Variants in RAPGEF4 observed in about 807,000 individuals in gnomAD.
RAPGEF4 encodes the protein RAP guanine-nucleotide-exchange factor (GEF) 4.
RAPGEF4 carries 66 observed loss-of-function variants against 147.9 expected under a neutral mutation model. That is an observed-to-expected ratio of 0.45 (90% CI 0.37 to 0.55). The LOEUF is 0.55. Among genes scored for constraint, RAPGEF4 ranks in the 20% least tolerant of loss-of-function variants. RAPGEF4 has a pLI of 0.00. For synonymous variants in RAPGEF4, 419 were observed against 442.7 expected, an observed-to-expected ratio of 0.95 and a Z score of 0.67; for missense variants, 1,071 against 1,257.3, an observed-to-expected ratio of 0.85 and a Z score of 2.24.
At chr2:172,791,958 ATC>A (rs1685872430) in intron 1 of RAPGEF4, among the ~76,000 whole-genome samples, 1 of 152,186 alleles carries the variant, frequency 6.6e-6, no homozygotes, top group African/African-American at 2.4e-5. Context: ...ATGGATTCTA[ATC>A]TCTGTTTGTC....
chr2:172,966,170 T>C (rs1038607809), intron 9 of RAPGEF4, among the ~76,000 whole-genome samples: 2 of 152,230 alleles, frequency 1.3e-5, no homozygotes, highest in Non-Finnish European at 2.9e-5. Context: ...GAATGTGCTC[T>C]GCAATTGTGG....
intron 20 of RAPGEF4, 103 bp from the exon 21 acceptor site, chr2:173,017,323 C>G: frequency 6.8e-7 from 1 of 1,478,828 alleles, no homozygotes. Context: ...AATATATTGT[C>G]TTCATTTCTT....
intron 4 of RAPGEF4, among the ~76,000 whole-genome samples, chr2:172,862,134 G>A (rs913369976): frequency 2.0e-5 from 3 of 152,168 alleles, no homozygotes; most frequent in Non-Finnish European, 2.9e-5. Flanking sequence ...ACATTAAAAG[G>A]CAGCATTCGG....
Position 173,042,614 on chromosome 2 carries a change from C to A in RAPGEF4, c.2853+5922C>A, listed in dbSNP as rs543407995. On this transcript the variant is annotated intron_variant, in intron 29 of 30. Transcript: ENST00000397081. This position sits in a 1 kb window ranked among gnomAD's most constrained non-coding sequence, Gnocchi z 4.2. Reference sequence around the variant, plus strand: ...CTCCAACCTGGGCAATAGAGTAAGACTCCAAATCAAAAAAAAAAAGGGAAA... The same window carrying A: ...CTCCAACCTGGGCAATAGAGTAAGAATCCAAATCAAAAAAAAAAAGGGAAA... Among the ~76,000 whole-genome samples the A allele has an allele frequency of 2.4e-4, 36 of 150,680 alleles. No homozygotes were observed. The highest frequency in any genetic ancestry group is 4.9e-4 in the Non-Finnish European group (33 of 67,838).
intron 22 of RAPGEF4, among the ~76,000 whole-genome samples, chr2:173,019,038 G>A (rs1487137399): frequency 2.6e-5 from 4 of 152,180 alleles, no homozygotes; most frequent in Non-Finnish European, 5.9e-5. Flanking sequence ...GAGGACTGTC[G>A]TGTAGATGTT....
intron 1 of RAPGEF4, among the ~76,000 whole-genome samples, chr2:172,742,880 GA>G (rs2086342262): frequency 6.6e-6 from 1 of 152,130 alleles, no homozygotes; most frequent in Non-Finnish European, 1.5e-5. Flanking sequence ...CTGGGAGCTG[GA>G]AAGAGTCTTC....
chr2:173,024,035 C>G (rs1696387037), intron 23 of RAPGEF4, among the ~76,000 whole-genome samples: 1 of 152,194 alleles, frequency 6.6e-6, no homozygotes, highest in African/African-American at 2.4e-5. Flanking sequence ...CCATATGCTA[C>G]TTGCCCATCA....
chr2:172,918,299 G>A (rs979316178), intron 5 of RAPGEF4, among the ~76,000 whole-genome samples: 2 of 137,736 alleles, frequency 1.5e-5, no homozygotes, highest in East Asian at 4.4e-4. Flanking sequence ...GAAGTGGGGT[G>A]AGTCATTTAT....
intron 1 of RAPGEF4, among the ~76,000 whole-genome samples, chr2:172,768,391 G>A (rs921683347): frequency 6.6e-6 from 1 of 151,788 alleles, no homozygotes; most frequent in Non-Finnish European, 1.5e-5. Flanking sequence ...AGAAAATGAA[G>A]CTATTTATAG....
intron 4 of RAPGEF4, among the ~76,000 whole-genome samples, chr2:172,888,050 A>C (rs556795909): frequency 2.4e-4 from 36 of 152,246 alleles, no homozygotes; most frequent in Non-Finnish European, 4.0e-4. Context: ...TCTTTATTTA[A>C]TTCTGCATCT....
intron 3 of RAPGEF4, among the ~76,000 whole-genome samples, chr2:172,807,864 C>A (rs1392819263): frequency 6.6e-6 from 1 of 152,124 alleles, no homozygotes; most frequent in African/African-American, 2.4e-5. Flanking sequence ...AATAAATTTG[C>A]CATGAGACAA....
At chr2:172,901,527 A>G (rs943638521) in intron 4 of RAPGEF4, among the ~76,000 whole-genome samples, 1 of 152,252 alleles carries the variant, frequency 6.6e-6, no homozygotes, top group Non-Finnish European at 1.5e-5. Context: ...TCTTTCAAGC[A>G]TCTGTTTTTT....
At chr2:172,775,327 T>C (rs1268608645) in intron 1 of RAPGEF4, among the ~76,000 whole-genome samples, 1 of 152,232 alleles carries the variant, frequency 6.6e-6, no homozygotes, top group East Asian at 1.9e-4. Flanking sequence ...ATTATACATA[T>C]GGTTAGCTTT....
At chr2:172,860,419 T>C (rs1379131595) in intron 4 of RAPGEF4, 2 of 647,306 alleles carry the variant, frequency 3.1e-6, no homozygotes, top group African/African-American at 4.0e-5. Context: ...GAAGTAGACT[T>C]CATTTTGTGT....
intron 16 of RAPGEF4, among the ~76,000 whole-genome samples, chr2:173,000,398 A>G (rs1299369172): frequency 6.6e-6 from 1 of 152,200 alleles, no homozygotes; most frequent in African/African-American, 2.4e-5. Context: ...AATCTCAGAC[A>G]GTGTATTTCA....
chr2:172,881,082 G>T (rs929426663), intron 4 of RAPGEF4, among the ~76,000 whole-genome samples: 2 of 152,110 alleles, frequency 1.3e-5, no homozygotes, highest in Non-Finnish European at 2.9e-5. Context: ...AGTAATTATT[G>T]TCCTGTGCAC....
At chr2:172,908,496 C>G (rs1165690132) in intron 4 of RAPGEF4, among the ~76,000 whole-genome samples, 3 of 152,228 alleles carry the variant, frequency 2.0e-5, no homozygotes, top group Non-Finnish European at 4.4e-5. Context: ...TAGAAGTCAT[C>G]TTAACAGAGG....
chr2:172,879,567 G>T (rs1263967883), intron 4 of RAPGEF4, among the ~76,000 whole-genome samples: 1 of 152,054 alleles, frequency 6.6e-6, no homozygotes, highest in African/African-American at 2.4e-5. Context: ...TTGGGAGGCC[G>T]AGACGAGCAG....
rs369022929 is a variant in RAPGEF4 at position 172,967,322 on chromosome 2, C to T, written c.882C>T (p.His294=). 184 of 1,612,170 alleles carry T rather than the reference C, an allele frequency of 1.1e-4. No individual in the cohort carries two copies. In the South Asian group the frequency reaches 1.5e-3, roughly 13 times the overall value. The change falls in exon 10 of 31, where the codon CAC becomes CAT. Residue 294 remains histidine, a synonymous_variant. Transcript: ENST00000397081. ...TCTATCGATTTCTGGATGATGAGCA[C>T]GAGGATGCCCCTTTGCCTACTGAGG... is the stretch of plus-strand genomic sequence containing the variant. ...YLFYRFLDDE[H]EDAPLPTEEE... is the part of the protein sequence containing the mutation.
Sources: gnomAD v4.1 joint callset for allele counts (sites outside exome capture counted in the v4.1 genomes callset) on GRCh38, gnomAD v4.1.1 for gene constraint, Gnocchi (gnomAD v3.1) non-coding constraint, MANE v1.5 for transcripts, NCBI Gene and HGNC (gene_info 2026-07-23, HGNC 2026-07-21) for gene names.